The following TRIM2 variants were observed in gnomAD, a reference collection of about 807,000 sequenced individuals.
TRIM2 encodes the protein tripartite motif containing 2.
TRIM2 carries 20 observed loss-of-function variants against 75.2 expected under a neutral mutation model. The observed-to-expected ratio is 0.27, with a 90% CI of 0.19 to 0.39. TRIM2 has a LOEUF of 0.39. Among genes scored for constraint, TRIM2 ranks in the 10% least tolerant of loss-of-function variants. TRIM2 has a pLI of 1.00. For missense variants in TRIM2, 660 were observed against 990.8 expected (o/e 0.67, Z 4.48); for synonymous variants, 373 against 388.3 (o/e 0.96, Z 0.46).
At chr4:153,278,168 C>T (rs542406659) in intron 3 of TRIM2, among the ~76,000 whole-genome samples, 5 of 152,270 alleles carry the variant, frequency 3.3e-5, no homozygotes, top group South Asian at 2.1e-4. Context: ...TGCAGTGGCA[C>T]GATCATGGCT....
rs766874717 is a variant in TRIM2, at chr4:153,244,144, G to GTTCTTCTTCTTCTTCTTC, written c.31-26183_31-26182insCTTCTTCTTCTTCTTCTT. On this transcript the variant is annotated intron_variant, in intron 1 of 11. Transcript: ENST00000338700. The stretch of plus-strand genomic sequence containing the variant: ...CCATCTTCTTCTTCTTCTTCTTCTT[G>GTTCTTCTTCTTCTTCTTC]TTCTTCTTGTTCTTCTTCTTCTTCT... Among the ~76,000 whole-genome samples, 61 of 130,188 alleles carry GTTCTTCTTCTTCTTCTTC rather than the reference G, an allele frequency of 4.7e-4. 3 individuals carry two copies. The highest frequency in any genetic ancestry group is 4.6e-3 in the Middle Eastern group (1 of 218). 85.4% of individuals were successfully genotyped at this position (130,188 alleles called of 152,430 possible).
chr4:153,204,079 T>G (rs866503310), upstream of TRIM2, among the ~76,000 whole-genome samples: 3 of 152,318 alleles, frequency 2.0e-5, no homozygotes, highest in East Asian at 3.9e-4. Flanking sequence ...AATACCACAT[T>G]TATTAACCCC....
chr4:153,236,773 C>T (rs1216338963), intron 1 of TRIM2, among the ~76,000 whole-genome samples: 1 of 151,982 alleles, frequency 6.6e-6, no homozygotes, highest in Non-Finnish European at 1.5e-5. Flanking sequence ...CTCACTGCAG[C>T]CTCGACCTCC....
intron 1 of TRIM2, among the ~76,000 whole-genome samples, chr4:153,267,785 TTTTCTTTCTTCCC>T (rs1000875466): frequency 2.0e-5 from 3 of 152,210 alleles, no homozygotes; most frequent in Non-Finnish European, 4.4e-5. Flanking sequence ...TATTTCTTTC[TTTTCTTTCTTCCC>T]TTTCTTTCTT....
At chr4:153,213,287 G>T (rs1267893698) in intron 1 of TRIM2, among the ~76,000 whole-genome samples, 1 of 152,058 alleles carries the variant, frequency 6.6e-6, no homozygotes, top group Non-Finnish European at 1.5e-5. Flanking sequence ...TGCCTCCAGG[G>T]TACATTATAT....
intron 8 of TRIM2, among the ~76,000 whole-genome samples, chr4:153,317,476 G>T (rs977662219): frequency 3.3e-5 from 5 of 150,780 alleles, no homozygotes; most frequent in African/African-American, 1.2e-4. Context: ...GTGAAACCCC[G>T]TCTCTACTAA....
At chr4:153,179,848 C>T (rs930017313) in intron 1 of TRIM2, among the ~76,000 whole-genome samples, 5 of 152,168 alleles carry the variant, frequency 3.3e-5, no homozygotes, top group South Asian at 2.1e-4. Context: ...AGGCTCACAA[C>T]GGGAGCCTCT....
At position 153,315,812 on chromosome 4, in the gene TRIM2, G is replaced by A. The variant is rs1344273351; in HGVS notation, c.1615-20G>A. The A allele has an allele frequency of 3.7e-6, 6 of 1,613,850 alleles. No homozygotes were observed. The African/African-American group carries it at 8.0e-5, about 22-fold the overall frequency. On this transcript the variant is annotated intron_variant, in intron 7 of 11. Coordinates refer to ENST00000338700, the MANE Select transcript of TRIM2 (RefSeq NM_015271.5). ...TGCCTGTACTAGTTCACATTCCAAT[G>A]AATGTAATTTATCTTACAGATATTT...
rs1279041820 is a variant in TRIM2 at position 153,327,603 on chromosome 4, TC to T, written c.2023-926del. Among the ~76,000 whole-genome samples, 20 of 152,354 alleles carry T rather than the reference TC, an allele frequency of 1.3e-4. No homozygotes were observed. The South Asian group carries it at 1.9e-3, about 14-fold the overall frequency. ...GACATTTCAAAACCATTAGGTATCA[TC>T]TGAATCATCAAGATACAATTATGCT... On this transcript the variant is annotated intron_variant, in intron 10 of 11. Coordinates refer to ENST00000338700, the MANE Select transcript of TRIM2 (RefSeq NM_015271.5).
chr4:153,164,750 A>G (rs1730117490), intron 1 of TRIM2, among the ~76,000 whole-genome samples: 2 of 152,178 alleles, frequency 1.3e-5, no homozygotes, highest in Admixed American at 6.5e-5. Context: ...ATGAGAACTT[A>G]GCTTTCTCTT....
chr4:153,207,334 C>T (rs966756836), intron 1 of TRIM2, among the ~76,000 whole-genome samples: 25 of 152,160 alleles, frequency 1.6e-4, no homozygotes, highest in African/African-American at 5.8e-4. Context: ...CCAAAGAACA[C>T]GGGTTTAAAA....
At chr4:153,199,250 A>G (rs1368480269) in intron 1 of TRIM2, among the ~76,000 whole-genome samples, 1 of 152,132 alleles carries the variant, frequency 6.6e-6, no homozygotes, top group East Asian at 1.9e-4. Context: ...TTGTCAGTTC[A>G]TTTCCTGTTT....
chr4:153,250,003 C>CT, intron 1 of TRIM2, among the ~76,000 whole-genome samples: 1 of 152,156 alleles, frequency 6.6e-6, no homozygotes, highest in East Asian at 1.9e-4. Context: ...CGTGCTTTTG[C>CT]TTTTTGTTAC....
chr4:153,275,857 A>G, intron 2 of TRIM2, 36 bp from the exon 3 acceptor site: 1 of 1,585,868 alleles, frequency 6.3e-7, no homozygotes, highest in Non-Finnish European at 8.6e-7. Context: ...GAGGTTCTGC[A>G]CTGTGCTAAG....
chr4:153,301,518 CT>C (rs1763922730), intron 6 of TRIM2, among the ~76,000 whole-genome samples: 2 of 152,078 alleles, frequency 1.3e-5, no homozygotes, highest in South Asian at 4.1e-4. Context: ...TCCATTTTTG[CT>C]TTTGTTGCCT....
At chr4:153,179,007 C>A (rs186974972) in intron 1 of TRIM2, among the ~76,000 whole-genome samples, 1 of 152,048 alleles carries the variant, frequency 6.6e-6, no homozygotes, top group East Asian at 1.9e-4. Flanking sequence ...GCAACAAACA[C>A]AGTGAGACCT....
intron 1 of TRIM2, among the ~76,000 whole-genome samples, chr4:153,223,419 A>G (rs1002331070): frequency 6.6e-6 from 1 of 152,202 alleles, no homozygotes; most frequent in Non-Finnish European, 1.5e-5. Flanking sequence ...CTTTTTCTTT[A>G]AAAACATGTT....
intron 1 of TRIM2, among the ~76,000 whole-genome samples, chr4:153,181,779 T>C (rs1732086714): frequency 6.6e-6 from 1 of 152,016 alleles, no homozygotes; most frequent in Non-Finnish European, 1.5e-5. Context: ...CTACTCAGGA[T>C]CGTTGGGTGC....
upstream of TRIM2, among the ~76,000 whole-genome samples, chr4:153,203,435 A>C (rs944731779): frequency 6.6e-6 from 1 of 151,244 alleles, no homozygotes; most frequent in African/African-American, 2.4e-5. Context: ...ACACACACGA[A>C]GAAGAACATA....
Sources: allele counts gnomAD v4.1 joint callset (sites outside exome capture counted in the v4.1 genomes callset), GRCh38; gene constraint gnomAD v4.1.1; transcripts MANE v1.5; gene names NCBI Gene and HGNC (gene_info 2026-07-23, HGNC 2026-07-21).